Variants in SP140 observed in about 807,000 individuals in gnomAD.
SP140 encodes SP140 nuclear body protein.
Under a neutral mutation model 125.0 loss-of-function variants are expected in SP140, and 81 were observed. The observed-to-expected ratio is 0.65, with a 90% CI of 0.54 to 0.78. SP140 has a LOEUF of 0.78. SP140 is among the 30% of genes least tolerant of loss of function. SP140 has a pLI of 0.00. For synonymous variants in SP140, 312 were observed against 354.0 expected, an observed-to-expected ratio of 0.88 and a Z score of 1.33; for missense variants, 858 against 1,037.0, an observed-to-expected ratio of 0.83 and a Z score of 2.37.
At chr2:230,287,115 G>A (rs2056481828) in intron 17 of SP140, among the ~76,000 whole-genome samples, 1 of 152,154 alleles carries the variant, frequency 6.6e-6, no homozygotes, top group Non-Finnish European at 1.5e-5. Context: ...AATATCATCG[G>A]CTGCAGTGTC....
intron 15 of SP140, 190 bp downstream of exon 15, chr2:230,270,829 G>T: frequency 1.5e-6 from 1 of 648,258 alleles, no homozygotes; most frequent in Non-Finnish European, 2.9e-6. Context: ...TGACAAAAGG[G>T]ACTTTACAGA....
At chr2:230,202,604 T>A (rs374012315), upstream of SP140, 23 of 1,614,090 alleles carry the variant, frequency 1.4e-5, no homozygotes, top group Non-Finnish European at 1.9e-5. Flanking sequence ...TTCGGGCACA[T>A]TCAGTTCTCG....
At chr2:230,275,478 G>A (rs1055168067) in intron 15 of SP140, among the ~76,000 whole-genome samples, 6 of 152,062 alleles carry the variant, frequency 3.9e-5, no homozygotes, top group African/African-American at 1.4e-4. Flanking sequence ...AACTGTCTAT[G>A]GCACCACACA....
chr2:230,233,897 G>A (rs1168993278), intron 1 of SP140, among the ~76,000 whole-genome samples: 4 of 152,282 alleles, frequency 2.6e-5, no homozygotes, highest in South Asian at 4.1e-4. Context: ...AAGATAAAGG[G>A]AAAATAATAT....
At chr2:230,260,918 T>C (rs377071650) in intron 12 of SP140, among the ~76,000 whole-genome samples, 3 of 152,238 alleles carry the variant, frequency 2.0e-5, no homozygotes, top group African/African-American at 7.2e-5. Context: ...GCTTTGGCTT[T>C]GTGGGCTCCT....
chr2:230,225,546 T>C (rs1032478248), upstream of SP140: 3 of 464,638 alleles, frequency 6.5e-6, no homozygotes, highest in Non-Finnish European at 1.2e-5. Context: ...TCAAAACAAC[T>C]TTGATCTGCT....
At chr2:230,209,811 C>T in intron 1 of SP140, 1 of 737,648 alleles carries the variant, frequency 1.4e-6, no homozygotes, top group Non-Finnish European at 2.5e-6. Flanking sequence ...CAGAAACGAA[C>T]TGTGTGTGGC....
Position 230,312,770 on chromosome 2 carries a change from T to G in SP140, c.*86T>G, listed in dbSNP as rs548153389. 3.1e-6 allele frequency: 3 copies of G among 957,986 alleles called. No homozygotes were observed. The highest frequency in any genetic ancestry group is 3.7e-5 in the Admixed American group (2 of 54,766). 59.3% of individuals were successfully genotyped at this position (957,986 alleles called of 1,614,324 possible). ...GCCACTGACTTCAAAATGAGGTCAC[T>G]TGGGCACAGCACATGCAGGGAGGGG... On this transcript the variant is annotated 3_prime_UTR_variant, in exon 27 of 27. Coordinates refer to ENST00000392045, the MANE Select transcript of SP140 (RefSeq NM_007237.5).
At chr2:230,209,728 A>T (rs564960416) in intron 1 of SP140, among the ~76,000 whole-genome samples, 1 of 152,230 alleles carries the variant, frequency 6.6e-6, no homozygotes. Flanking sequence ...ATATTTCAAT[A>T]CCCCCAAATG....
chr2:230,205,829 G>A (rs1024785844), intron 1 of SP140, among the ~76,000 whole-genome samples: 4 of 152,318 alleles, frequency 2.6e-5, no homozygotes, highest in Admixed American at 6.5e-5. Flanking sequence ...AGTTGAAGAC[G>A]TAGAGTTGGG....
At chr2:230,250,747 G>A (rs2050236920) in intron 9 of SP140, among the ~76,000 whole-genome samples, 1 of 152,150 alleles carries the variant, frequency 6.6e-6, no homozygotes, top group Non-Finnish European at 1.5e-5. Flanking sequence ...AGGGGGAGAA[G>A]GAGAGAGAAT....
At chr2:230,225,948 G>T (rs2046272985) in intron 1 of SP140, 45 bp downstream of exon 1, 1 of 1,520,644 alleles carries the variant, frequency 6.6e-7, no homozygotes, top group Non-Finnish European at 9.1e-7. Flanking sequence ...TCTCTGGTAG[G>T]GTTCCCTTTC....
intron 26 of SP140, 27 bp from the exon 27 acceptor site, chr2:230,312,559 T>A (rs1186349955): frequency 1.4e-6 from 2 of 1,461,558 alleles, no homozygotes; most frequent in Admixed American, 3.5e-5. Flanking sequence ...ATGAGGAGCA[T>A]TGTTTTTGTC....
intron 5 of SP140, among the ~76,000 whole-genome samples, chr2:230,244,159 C>T (rs905462328): frequency 5.9e-5 from 9 of 152,252 alleles, no homozygotes; most frequent in Admixed American, 3.9e-4. Flanking sequence ...ACCAACTACT[C>T]GAAAAACTAA....
rs765562476 is a variant in SP140, at chr2:230,245,077, G to A, written c.661G>A (p.Gly221Arg). 3 of 1,606,466 alleles carry A rather than the reference G, an allele frequency of 1.9e-6. No homozygotes were observed. Among genetic ancestry groups the A allele is most frequent in the Admixed American group, 3.3e-5 (2 of 59,868 alleles). ...EDAPSLLPGG[G>R]VSCKLAIQID... ...TGCACCCAGCCTACTACCAGGTGGG[G>A]GAGGTAATTATGATTTAAATGACCA... Residue 221 changes from glycine to arginine, a missense_variant, in exon 6 of 27, where the codon GGA becomes AGA. By Grantham distance (125) the Gly-to-Arg change is moderately radical. Transcript: ENST00000392045.
upstream of SP140, among the ~76,000 whole-genome samples, chr2:230,224,489 GAGAGGGAGAC>G (rs1559195910): frequency 2.7e-5 from 4 of 150,594 alleles, no homozygotes; most frequent in Non-Finnish European, 3.0e-5. Context: ...GAGAGGGAGA[GAGAGGGAGAC>G]AGAGGAGAGA....
chr2:230,253,655 C>G (rs3769841), intron 11 of SP140, among the ~76,000 whole-genome samples: 21,501 of 152,010 alleles, frequency 0.14, 1,560 homozygotes, highest in African/African-American at 0.18. Flanking sequence ...TAGGGAGATA[C>G]AATATGCCAG....
At chr2:230,208,529 G>A (rs1391897443) in intron 1 of SP140, among the ~76,000 whole-genome samples, 1 of 152,214 alleles carries the variant, frequency 6.6e-6, no homozygotes, top group Non-Finnish European at 1.5e-5. Flanking sequence ...GTTAGGGTTT[G>A]TAGGACTAGC....
intron 8 of SP140, 22 bp downstream of exon 8, chr2:230,248,087 A>C (rs1401966482): frequency 6.2e-7 from 1 of 1,611,098 alleles, no homozygotes; most frequent in South Asian, 1.1e-5. Context: ...AGAAGCAGAG[A>C]CATGTGTCAA....
Sources: allele counts gnomAD v4.1 joint callset (sites outside exome capture counted in the v4.1 genomes callset), GRCh38; gene constraint gnomAD v4.1.1; transcripts MANE v1.5; gene names NCBI Gene and HGNC (gene_info 2026-07-23, HGNC 2026-07-21).